SMAD4: variants seen among roughly 807,000 people sequenced by gnomAD.
SMAD4 encodes MAD homolog 4.
In SMAD4, 7 loss-of-function variants were observed where a neutral mutation model predicts 63.2. The observed-to-expected ratio is 0.11, with a 90% CI of 0.06 to 0.21. The LOEUF (loss-of-function observed/expected upper bound fraction) is 0.21. Among genes scored for constraint, SMAD4 ranks in the 10% least tolerant of loss-of-function variants. The pLI is 1.00. For synonymous variants in SMAD4, 215 were observed against 235.4 expected (o/e 0.91, Z 0.79); for missense variants, 312 against 693.8 (o/e 0.45, Z 6.18).
intron 5 of SMAD4, among the ~76,000 whole-genome samples, chr18:51,055,213 C>G (rs1326318950): frequency 6.6e-6 from 1 of 152,138 alleles, no homozygotes; most frequent in Non-Finnish European, 1.5e-5. Flanking sequence ...CTGATTTATA[C>G]TTTACTATTA....
At chr18:51,058,764 A>G (rs530645549) in intron 7 of SMAD4, among the ~76,000 whole-genome samples, 1 of 152,204 alleles carries the variant, frequency 6.6e-6, no homozygotes, top group African/African-American at 2.4e-5. Flanking sequence ...TGTGTCTTGT[A>G]TATCCACGCA....
intron 10 of SMAD4, among the ~76,000 whole-genome samples, chr18:51,075,042 T>C (rs927953764): frequency 6.6e-6 from 1 of 152,204 alleles, no homozygotes; most frequent in Non-Finnish European, 1.5e-5. Flanking sequence ...TTTTAGGACC[T>C]AATAGTCCAG....
chr18:51,045,649 C>G (rs1909522205), intron 1 of SMAD4, among the ~76,000 whole-genome samples: 1 of 152,092 alleles, frequency 6.6e-6, no homozygotes, highest in African/African-American at 2.4e-5. Flanking sequence ...ATATAATTTC[C>G]ATACCATAAA....
Position 51,081,454 on chromosome 18 carries a change from C to T in SMAD4, c.*2987C>T. 4.3e-6 allele frequency: 1 copy of T among 230,784 alleles called. No homozygotes were observed. Among genetic ancestry groups the T allele is most frequent in the East Asian group, 6.2e-5 (1 of 16,232 alleles). 14.3% of individuals were successfully genotyped at this position (230,784 alleles called of 1,614,324 possible). ...CGCCCCTGGTATACAAAGATAATGA[C>T]AATAAATCACTGCCATATAACCTTG... On this transcript the variant is annotated 3_prime_UTR_variant, in exon 12 of 12. Transcript: ENST00000342988.
rs1910613866 is a variant in SMAD4 at position 51,081,580 on chromosome 18, C to G, written c.*3113C>G. The G allele has an allele frequency of 4.3e-6, 1 of 232,390 alleles. No individual in the cohort carries two copies. The highest frequency in any genetic ancestry group is 8.5e-6 in the Non-Finnish European group (1 of 117,632). 14.4% of individuals were successfully genotyped at this position (232,390 alleles called of 1,614,324 possible). A position where few individuals can be genotyped will look rare whatever the true frequency, so the allele number is the denominator to read the frequency against. On this transcript the variant is annotated 3_prime_UTR_variant, in exon 12 of 12. Transcript: ENST00000342988. Reference sequence around the variant, plus strand: ...AGTGCAGATTTACAGGTTGCATGGTCTGGCTTAAGGAGAGCCATACTTGAG... The same window carrying G: ...AGTGCAGATTTACAGGTTGCATGGTGTGGCTTAAGGAGAGCCATACTTGAG...
chr18:51,058,099 A>G lies in SMAD4; in HGVS notation c.668-26A>G, dbSNP rs375856998. On this transcript the variant is annotated intron_variant, in intron 5 of 11. Transcript: ENST00000342988. Reference sequence around the variant, plus strand: ...ATAAGATGACATCTATGAATGTACCATGTTAATGTCTTCTTGTTCCTCTAG... The same window carrying G: ...ATAAGATGACATCTATGAATGTACCGTGTTAATGTCTTCTTGTTCCTCTAG... The G allele has an allele frequency of 2.6e-4, 425 of 1,610,564 alleles. 1 individual carries two copies. In the African/African-American group the frequency reaches 3.6e-3, roughly 14 times the overall value.
chr18:51,073,281 G>A (rs1479258125), intron 10 of SMAD4, among the ~76,000 whole-genome samples: 1 of 148,658 alleles, frequency 6.7e-6, no homozygotes, highest in Non-Finnish European at 1.5e-5. Flanking sequence ...GACTCGTGGG[G>A]GTGGGGGAGT....
chr18:51,062,838 T>C (rs939228643), intron 8 of SMAD4, among the ~76,000 whole-genome samples: 12 of 144,840 alleles, frequency 8.3e-5, no homozygotes, highest in African/African-American at 3.1e-4. Flanking sequence ...AGTCTAGTAA[T>C]CTGGCTTTAC....
intron 5 of SMAD4, 65 bp downstream of exon 5, chr18:51,055,058 A>C: frequency 8.3e-7 from 1 of 1,204,422 alleles, no homozygotes; most frequent in African/African-American, 1.5e-5. Context: ...ATTTATGTGT[A>C]GTCACTTGGG....
intron 4 of SMAD4, among the ~76,000 whole-genome samples, chr18:51,051,816 T>TC (rs747579951): frequency 9.9e-5 from 15 of 152,112 alleles, no homozygotes; most frequent in East Asian, 5.8e-4. Context: ...ATTTTTTTTT[T>TC]CTTTTTTGAG....
Position 51,084,005 on chromosome 18 carries a change from C to CGT in SMAD4, c.*5539_*5540insTG, listed in dbSNP as rs1910679684. The CGT allele has an allele frequency of 5.4e-5, 6 of 110,580 alleles. No individual in the cohort carries two copies. Among genetic ancestry groups the CGT allele is most frequent in the Non-Finnish European group, 5.0e-5 (3 of 59,574 alleles). The allele number at this position is 110,580 out of a possible 1,614,324, so 6.8% of individuals were successfully genotyped here. A position where few individuals can be genotyped will look rare whatever the true frequency, so the allele number is the denominator to read the frequency against. ...TAAACACTTAACGCGCGTGCGCACG[C>CGT]GCGCGCGCACACACACACACACACA... On this transcript the variant is annotated 3_prime_UTR_variant, in exon 12 of 12. Coordinates refer to ENST00000342988, the MANE Select transcript of SMAD4 (RefSeq NM_005359.6).
At chr18:51,058,602 CAG>C in intron 7 of SMAD4, 146 bp downstream of exon 7, 1 of 672,670 alleles carries the variant, frequency 1.5e-6, no homozygotes, top group South Asian at 1.7e-5. Context: ...TTTTTGTAAA[CAG>C]TATTATTTTT....
chr18:51,067,409 T>C (rs1163193918), intron 10 of SMAD4, among the ~76,000 whole-genome samples: 1 of 152,004 alleles, frequency 6.6e-6, no homozygotes, highest in Non-Finnish European at 1.5e-5. Context: ...ATTTTATTTA[T>C]TTATTTATTT....
At chr18:51,061,473 G>C (rs1237743513) in intron 8 of SMAD4, among the ~76,000 whole-genome samples, 4 of 152,106 alleles carry the variant, frequency 2.6e-5, no homozygotes, top group Non-Finnish European at 2.9e-5. Context: ...CTTTGCCTGG[G>C]TTCTTTCACT....
intron 10 of SMAD4, among the ~76,000 whole-genome samples, chr18:51,070,640 A>G (rs1056198903): frequency 2.6e-5 from 4 of 152,174 alleles, no homozygotes; most frequent in Non-Finnish European, 5.9e-5. Flanking sequence ...TAAATGAAAA[A>G]TTCCAGAAAC....
At position 51,082,465 on chromosome 18, in the gene SMAD4, T is replaced by C. The variant is rs1910633086; in HGVS notation, c.*3998T>C. The C allele has an allele frequency of 4.4e-6, 1 of 229,640 alleles. No homozygotes were observed. Among genetic ancestry groups the C allele is most frequent in the East Asian group, 6.2e-5 (1 of 16,132 alleles). The allele number at this position is 229,640 out of a possible 1,614,324, so 14.2% of individuals were successfully genotyped here. Reference sequence around the variant, plus strand: ...TTATCCCTAGCAGTTGTCCCAGTGCTGCTAGGTTGCTTATCTTGTTTATCT... The same window carrying C: ...TTATCCCTAGCAGTTGTCCCAGTGCCGCTAGGTTGCTTATCTTGTTTATCT... On this transcript the variant is annotated 3_prime_UTR_variant, in exon 12 of 12. Coordinates refer to ENST00000342988, the MANE Select transcript of SMAD4 (RefSeq NM_005359.6).
Position 51,047,888 on chromosome 18 carries a change from C to T in SMAD4, c.249+593C>T, listed in dbSNP as rs114291470. Among the ~76,000 whole-genome samples the T allele has an allele frequency of 3.3e-3, 504 of 152,244 alleles. 6 individuals are homozygous for T. Among genetic ancestry groups the T allele is most frequent in the African/African-American group, 0.012 (485 of 41,546 alleles). Reference sequence around the variant, plus strand: ...CCTTCCAGAATTCTGGCATTACAGGCGTGAGCCACTGTGCCCAGTCGTGTT... The same window carrying T: ...CCTTCCAGAATTCTGGCATTACAGGTGTGAGCCACTGTGCCCAGTCGTGTT... On this transcript the variant is annotated intron_variant, in intron 2 of 11. Transcript: ENST00000342988.
At position 51,072,147 on chromosome 18, in the gene SMAD4, G is replaced by A. The variant is rs948460849; in HGVS notation, c.1309-4491G>A. Among the ~76,000 whole-genome samples the A allele has an allele frequency of 5.3e-5, 8 of 152,320 alleles. No individual in the cohort carries two copies. The South Asian group carries it at 1.0e-3, about 20-fold the overall frequency. ...TTGCTGGATTGTAAGATAACTCTATGTAAACTTTTTGAGAAACTGATAGAC... is the reference window on the plus strand; with the variant it reads ...TTGCTGGATTGTAAGATAACTCTATATAAACTTTTTGAGAAACTGATAGAC... On this transcript the variant is annotated intron_variant, in intron 10 of 11. Transcript: ENST00000342988.
At chr18:51,068,523 A>G (rs1413113408) in intron 10 of SMAD4, among the ~76,000 whole-genome samples, 1 of 152,228 alleles carries the variant, frequency 6.6e-6, no homozygotes, top group African/African-American at 2.4e-5. Context: ...AAAATTTTCA[A>G]CAATAGAGCA....
Sources: allele counts gnomAD v4.1 joint callset (sites outside exome capture counted in the v4.1 genomes callset), GRCh38; gene constraint gnomAD v4.1.1; transcripts MANE v1.5; gene names NCBI Gene and HGNC (gene_info 2026-07-23, HGNC 2026-07-21).